The following MID1 variants were observed in gnomAD, a reference collection of about 807,000 sequenced individuals.
The protein encoded by MID1 is midline 1.
A neutral mutation model predicts 40.4 loss-of-function variants in MID1; 7 were observed. The ratio of observed to expected loss-of-function variants is 0.17; its 90% CI spans 0.10 to 0.33. The LOEUF is 0.33. Among genes scored for constraint, MID1 ranks in the 10% least tolerant of loss-of-function variants. MID1 has a pLI of 1.00. For missense variants in MID1, 367 were observed against 558.5 expected, an observed-to-expected ratio of 0.66 and a Z score of 3.46; for synonymous variants, 229 against 221.2, an observed-to-expected ratio of 1.04 and a Z score of -0.31.
chrX:10,793,204 T>A (rs1300018573), intron 1 of MID1, among the ~76,000 whole-genome samples: 2 of 112,628 alleles, frequency 1.8e-5, no homozygotes, highest in Non-Finnish European at 3.7e-5. Flanking sequence ...CTTATATGAG[T>A]TAACAACAGA....
At chrX:10,793,049 G>A (rs2043944126) in intron 1 of MID1, among the ~76,000 whole-genome samples, 1 of 112,212 alleles carries the variant, frequency 8.9e-6, no homozygotes, top group South Asian at 3.7e-4. Flanking sequence ...AAGAGCAGCT[G>A]AAAAATAAAT....
intron 1 of MID1, among the ~76,000 whole-genome samples, chrX:10,813,387 C>T (rs189158942): frequency 0.031 from 3,480 of 111,306 alleles, 149 homozygotes; most frequent in African/African-American, 0.11. Context: ...TCATTACATC[C>T]TCTCAATGCC....
chrX:10,666,235 T>C (rs2042950058), intron 1 of MID1, among the ~76,000 whole-genome samples: 1 of 110,921 alleles, frequency 9.0e-6, no homozygotes, highest in African/African-American at 3.3e-5. Context: ...CAAGTGATAA[T>C]CTCCTGGGAT....
intron 1 of MID1, among the ~76,000 whole-genome samples, chrX:10,589,126 A>G (rs1935211766): frequency 8.9e-6 from 1 of 112,139 alleles, no homozygotes; most frequent in Non-Finnish European, 1.9e-5. Flanking sequence ...ACACCAAACC[A>G]GAATCAAAAC....
intron 1 of MID1, among the ~76,000 whole-genome samples, chrX:10,595,838 A>G (rs920838768): frequency 2.7e-5 from 3 of 112,113 alleles, no homozygotes; most frequent in African/African-American, 6.5e-5. Flanking sequence ...ACAAAGAAAT[A>G]ATAAATGCTT....
intron 1 of MID1, among the ~76,000 whole-genome samples, chrX:10,813,319 C>T (rs2044115221): frequency 9.0e-6 from 1 of 111,377 alleles, no homozygotes; most frequent in African/African-American, 3.3e-5. Context: ...GCCTCCCATC[C>T]TGGAACTTGC....
intron 2 of MID1, among the ~76,000 whole-genome samples, chrX:10,559,634 G>C (rs1399070788): frequency 2.7e-5 from 3 of 111,655 alleles, no homozygotes; most frequent in Non-Finnish European, 3.8e-5. Context: ...GGAAATGGTA[G>C]GTGCAGTGAT....
intron 1 of MID1, among the ~76,000 whole-genome samples, chrX:10,698,731 G>GAAA (rs777771037): frequency 3.0e-5 from 2 of 67,636 alleles, no homozygotes; most frequent in African/African-American, 4.7e-5. Context: ...AGAAGAAAAA[G>GAAA]AAAAAAAAAA....
chrX:10,567,374 G>C lies in MID1; in HGVS notation c.174C>G (p.Thr58=). The C allele has an allele frequency of 8.3e-7, 1 of 1,202,029 alleles. No individual in the cohort carries two copies. The highest frequency in any genetic ancestry group is 1.1e-6 in the Non-Finnish European group (1 of 889,153). ...VESITAFQCP[T]CRHVITLSQR... is the part of the protein sequence containing the mutation. The stretch of plus-strand genomic sequence containing the variant: ...GGCTGAGGGTGATGACATGCCGGCA[G>C]GTGGGGCACTGGAAGGCGGTGATGG... The change falls in exon 2 of 10, where the codon ACC becomes ACG. Residue 58 remains threonine, a synonymous_variant. Transcript: ENST00000317552.
At chrX:10,494,839 T>C (rs2147320247) in intron 4 of MID1, among the ~76,000 whole-genome samples, 1 of 104,019 alleles carries the variant, frequency 9.6e-6, no homozygotes, top group Non-Finnish European at 2.0e-5. Flanking sequence ...TGGCAGAGAA[T>C]TGGGTAAAAT....
intron 1 of MID1, among the ~76,000 whole-genome samples, chrX:10,572,187 T>TACACAC (rs376684211): frequency 5.5e-4 from 50 of 91,012 alleles, no homozygotes; most frequent in Non-Finnish European, 6.2e-4. Flanking sequence ...ATGTATCTAA[T>TACACAC]ACACACACAC....
At chrX:10,649,724 T>C (rs893387166) in intron 1 of MID1, among the ~76,000 whole-genome samples, 6 of 111,994 alleles carry the variant, frequency 5.4e-5, no homozygotes, top group African/African-American at 1.9e-4. Flanking sequence ...TGGAATACTG[T>C]TGATTTGGCA....
intron 1 of MID1, among the ~76,000 whole-genome samples, chrX:10,671,922 A>G (rs767351761): frequency 3.1e-4 from 34 of 111,352 alleles, no homozygotes; most frequent in Non-Finnish European, 1.3e-4. Context: ...ATACATATCA[A>G]GTTAATATAA....
At chrX:10,584,386 T>C (rs931724336) in intron 1 of MID1, among the ~76,000 whole-genome samples, 2 of 112,095 alleles carry the variant, frequency 1.8e-5, no homozygotes, top group African/African-American at 6.5e-5. Context: ...ACCATGGATG[T>C]ACAGTTAAGC....
At chrX:10,784,199 T>A (rs753506927) in intron 1 of MID1, among the ~76,000 whole-genome samples, 2 of 110,923 alleles carry the variant, frequency 1.8e-5, no homozygotes, top group South Asian at 7.5e-4. Flanking sequence ...CATTAGATTT[T>A]TATAGGGATT....
chrX:10,533,208 T>C (rs1391292000), intron 2 of MID1, among the ~76,000 whole-genome samples: 3 of 109,576 alleles, frequency 2.7e-5, no homozygotes, highest in Non-Finnish European at 5.7e-5. Flanking sequence ...AATGAGAAAG[T>C]TGAGGACTTG....
chrX:10,566,150 C>T (rs1191319847), intron 2 of MID1, among the ~76,000 whole-genome samples: 20 of 111,110 alleles, frequency 1.8e-4, no homozygotes, highest in Admixed American at 1.3e-3. Context: ...TCATATTAAT[C>T]ATTATCCCCC....
At chrX:10,453,718 T>G (rs1928483513) in intron 9 of MID1, among the ~76,000 whole-genome samples, 2 of 112,021 alleles carry the variant, frequency 1.8e-5, no homozygotes, top group African/African-American at 6.5e-5. Context: ...CAAAAATCAT[T>G]TGGCATGCAA....
intron 1 of MID1, among the ~76,000 whole-genome samples, chrX:10,728,649 G>T (rs1463637821): frequency 1.8e-5 from 2 of 112,086 alleles, no homozygotes; most frequent in Non-Finnish European, 3.8e-5. Context: ...CGTTGGAAAG[G>T]CTATTTGGAG....
Sources: gnomAD v4.1 joint callset for allele counts (sites outside exome capture counted in the v4.1 genomes callset) on GRCh38, gnomAD v4.1.1 for gene constraint, MANE v1.5 for transcripts, NCBI Gene and HGNC (gene_info 2026-07-23, HGNC 2026-07-21) for gene names.